The following CREB5 variants were observed in gnomAD, a reference collection of about 807,000 sequenced individuals.
The protein encoded by CREB5 is cyclic AMP-responsive element-binding protein 5.
CREB5 carries 19 observed loss-of-function variants against 57.1 expected under a neutral mutation model. That is an observed-to-expected ratio of 0.33 (90% CI 0.23 to 0.49). CREB5 has a LOEUF of 0.49. CREB5 is among the 20% of genes least tolerant of loss of function. CREB5 has a pLI of 0.99. For synonymous variants in CREB5, 238 were observed against 238.3 expected (o/e 1.00, Z 0.01); for missense variants, 579 against 671.6 (o/e 0.86, Z 1.52).
chr7:28,684,256 C>A (rs1800736981), intron 5 of CREB5, among the ~76,000 whole-genome samples: 1 of 152,202 alleles, frequency 6.6e-6, no homozygotes, highest in African/African-American at 2.4e-5. Context: ...AACTTTATAA[C>A]AACCACATTT....
intron 4 of CREB5, among the ~76,000 whole-genome samples, chr7:28,560,889 T>C (rs1354303136): frequency 0.072 from 1,287 of 17,906 alleles, 110 homozygotes; most frequent in Non-Finnish European, 0.081. Context: ...CGTGCGTGCG[T>C]GTGTGTGCGT....
chr7:28,405,754 A>G (rs1304541203), intron 1 of CREB5, among the ~76,000 whole-genome samples: 1 of 152,034 alleles, frequency 6.6e-6, no homozygotes, highest in Non-Finnish European at 1.5e-5. Flanking sequence ...CATATTTTTG[A>G]GTGTCTCAGG....
chr7:28,400,064 G>GACAC (rs1371150594), intron 1 of CREB5, among the ~76,000 whole-genome samples: 25 of 125,642 alleles, frequency 2.0e-4, no homozygotes, highest in Admixed American at 1.1e-3. Context: ...GTCTGAAACA[G>GACAC]ATACACACAC....
intron 1 of CREB5, among the ~76,000 whole-genome samples, chr7:28,393,706 G>C (rs1464284903): frequency 6.6e-6 from 1 of 152,196 alleles, no homozygotes; most frequent in Non-Finnish European, 1.5e-5. Context: ...GAGCAACATT[G>C]TAAGAGATGA....
rs148893405 is a variant in CREB5 at position 28,578,947 on chromosome 7, T to G, written c.464+8410T>G. Among the ~76,000 whole-genome samples, 23 of 152,336 alleles carry G rather than the reference T, an allele frequency of 1.5e-4. No homozygotes were observed. The East Asian group carries it at 3.9e-3, about 26-fold the overall frequency. ...ATCCAATTTGATCTCAAATTTTGAA[T>G]GTAAAGGGAATCCTTGATATTAAGA... On this transcript the variant is annotated intron_variant, in intron 5 of 10. Transcript: ENST00000357727.
chr7:28,366,865 A>C (rs1562677037), intron 1 of CREB5, among the ~76,000 whole-genome samples: 1 of 152,206 alleles, frequency 6.6e-6, no homozygotes, highest in Non-Finnish European at 1.5e-5. Flanking sequence ...ACACTGCAAT[A>C]TAGTAAGATT....
intron 1 of CREB5, among the ~76,000 whole-genome samples, chr7:28,461,687 T>G (rs2128575757): frequency 6.6e-6 from 1 of 152,324 alleles, no homozygotes; most frequent in South Asian, 2.1e-4. Flanking sequence ...AACAGATGAT[T>G]AGTAAAACGA....
intron 5 of CREB5, among the ~76,000 whole-genome samples, chr7:28,623,561 C>T (rs1272972269): frequency 6.6e-6 from 1 of 152,164 alleles, no homozygotes; most frequent in Non-Finnish European, 1.5e-5. Flanking sequence ...AGCAAAGTCA[C>T]TTACAGATCA....
intron 1 of CREB5, among the ~76,000 whole-genome samples, chr7:28,360,212 T>C (rs768038230): frequency 2.6e-5 from 4 of 152,218 alleles, no homozygotes; most frequent in Admixed American, 6.5e-5. Context: ...CACAATCTAC[T>C]TCTGGTTATA....
chr7:28,410,381 G>A (rs1339636213), upstream of CREB5: 1 of 456,636 alleles, frequency 2.2e-6, no homozygotes, highest in African/African-American at 2.0e-5. Flanking sequence ...AGACCTGGCG[G>A]CGGAGTCTCC....
intron 1 of CREB5, among the ~76,000 whole-genome samples, chr7:28,475,807 C>A (rs1690538843): frequency 6.6e-6 from 1 of 152,074 alleles, no homozygotes; most frequent in Admixed American, 6.5e-5. Context: ...CAGCAAAGCA[C>A]TTTACTTGCA....
intron 7 of CREB5, among the ~76,000 whole-genome samples, chr7:28,802,010 G>A (rs567788851): frequency 2.4e-4 from 35 of 146,124 alleles, no homozygotes; most frequent in Non-Finnish European, 3.3e-4. Flanking sequence ...GCTTGAACCC[G>A]GGAGGCAGAG....
At chr7:28,678,219 C>T (rs1427233988) in intron 5 of CREB5, among the ~76,000 whole-genome samples, 1 of 151,980 alleles carries the variant, frequency 6.6e-6, no homozygotes, top group Non-Finnish European at 1.5e-5. Context: ...GAAACCCCGT[C>T]CCTACTAAGA....
At chr7:28,603,249 A>G (rs959037596) in intron 5 of CREB5, among the ~76,000 whole-genome samples, 6 of 152,216 alleles carry the variant, frequency 3.9e-5, no homozygotes, top group African/African-American at 1.2e-4. Flanking sequence ...TAAATTCAGT[A>G]TACTCCACTG....
At chr7:28,402,766 A>C (rs1787498417) in intron 1 of CREB5, among the ~76,000 whole-genome samples, 1 of 152,244 alleles carries the variant, frequency 6.6e-6, no homozygotes, top group African/African-American at 2.4e-5. Flanking sequence ...AGGCATGGGC[A>C]AGGACTTCAT....
intron 7 of CREB5, among the ~76,000 whole-genome samples, chr7:28,783,451 TA>T (rs1807110556): frequency 6.6e-6 from 1 of 152,218 alleles, no homozygotes; most frequent in East Asian, 1.9e-4. Flanking sequence ...TTCACATTTG[TA>T]AAGCACTTTA....
intron 1 of CREB5, among the ~76,000 whole-genome samples, chr7:28,383,812 G>C: frequency 6.6e-6 from 1 of 152,188 alleles, no homozygotes; most frequent in East Asian, 1.9e-4. Context: ...TAGCCAATTT[G>C]GGGAGTACAG....
At chr7:28,379,171 A>G (rs1304320385) in intron 1 of CREB5, among the ~76,000 whole-genome samples, 1 of 152,226 alleles carries the variant, frequency 6.6e-6, no homozygotes, top group Non-Finnish European at 1.5e-5. Context: ...TGAAAATGAA[A>G]AATAACATGC....
At chr7:28,361,367 C>T (rs1181321268) in intron 1 of CREB5, among the ~76,000 whole-genome samples, 1 of 152,140 alleles carries the variant, frequency 6.6e-6, no homozygotes, top group African/African-American at 2.4e-5. Flanking sequence ...TGCCTACACA[C>T]CAGTTTTCTT....
Sources: allele counts gnomAD v4.1 joint callset (sites outside exome capture counted in the v4.1 genomes callset), GRCh38; gene constraint gnomAD v4.1.1; transcripts MANE v1.5; gene names NCBI Gene and HGNC (gene_info 2026-07-23, HGNC 2026-07-21).